PTPRT: variants seen among roughly 807,000 people sequenced by gnomAD.
PTPRT encodes protein tyrosine phosphatase receptor type T, also known as receptor-type tyrosine-protein phosphatase T.
PTPRT carries 56 observed loss-of-function variants against 176.8 expected under a neutral mutation model. The observed-to-expected ratio is 0.32, with a 90% CI of 0.26 to 0.40. PTPRT has a LOEUF of 0.40. Among genes scored for constraint, PTPRT ranks in the 10% least tolerant of loss-of-function variants. PTPRT has a pLI of 1.00. For synonymous variants in PTPRT, 783 were observed against 739.0 expected, an observed-to-expected ratio of 1.06 and a Z score of -0.96; for missense variants, 1,540 against 1,908.2, an observed-to-expected ratio of 0.81 and a Z score of 3.60.
chr20:42,966,211 A>G (rs1982284742), intron 1 of PTPRT: 1 of 152,240 alleles, frequency 6.6e-6, no homozygotes, highest in African/African-American at 2.4e-5. Flanking sequence ...GCACAATTTA[A>G]AATCCCACAC....
Position 42,102,278 on chromosome 20 carries a change from G to T in PTPRT, c.3560C>A (p.Pro1187His). 1 of 1,614,054 alleles carries T rather than the reference G, an allele frequency of 6.2e-7. No homozygotes were observed. The highest frequency in any genetic ancestry group is 8.5e-7 in the Non-Finnish European group (1 of 1,179,942). Reference sequence around the variant, plus strand: ...GCTGCAGTCCTCGGGCCGCACACGGGGTGTCACAATGTTGAGGGTCTGTGG... The same window carrying T: ...GCTGCAGTCCTCGGGCCGCACACGGTGTGTCACAATGTTGAGGGTCTGTGG... ...DEFQTLNIVT[P>H]RVRPEDCSIG... The change falls in exon 26 of 31, where the codon CCC becomes CAC. Residue 1187 changes from proline (P) to histidine (H), a missense_variant. Physicochemically the swap from Pro to His is moderately conservative, Grantham distance 77 (BLOSUM62 -2). Transcript: ENST00000373187.
At chr20:43,061,223 G>A (rs138915606) in intron 1 of PTPRT, among the ~76,000 whole-genome samples, 17 of 152,174 alleles carry the variant, frequency 1.1e-4, no homozygotes, top group South Asian at 4.1e-4. Context: ...ACTCCTTTCC[G>A]TCACTACTCT....
chr20:42,837,228 C>T (rs1180425656), intron 2 of PTPRT, among the ~76,000 whole-genome samples: 1 of 152,340 alleles, frequency 6.6e-6, no homozygotes, highest in Admixed American at 6.5e-5. Flanking sequence ...AGAGGCCCAT[C>T]CGGAGGACCC....
intron 1 of PTPRT, among the ~76,000 whole-genome samples, chr20:43,014,370 GT>G (rs1256248316): frequency 1.3e-5 from 2 of 152,172 alleles, no homozygotes; most frequent in Non-Finnish European, 2.9e-5. Context: ...AATAAACGGG[GT>G]ATTTTTTCAA....
chr20:42,885,862 G>C lies in PTPRT; in HGVS notation c.159C>G (p.Thr53=). The part of the protein sequence containing the change: ...YSVALGTNGF[T]WEQINTWEKP... ...TCTCCCATGTGTTAATCTGCTCCCA[G>C]GTGAACCCATTGGTCCCTAGAGCCA... is the stretch of plus-strand genomic sequence containing the variant. The change falls in exon 2 of 31, where the codon ACC becomes ACG. Residue 53 remains threonine (T), a synonymous_variant. Transcript: ENST00000373187. 6.2e-7 allele frequency: 1 copy of C among 1,611,072 alleles called. No homozygotes were observed. The highest frequency in any genetic ancestry group is 1.1e-5 in the South Asian group (1 of 91,022).
At chr20:42,345,326 C>G (rs894055235) in intron 11 of PTPRT, among the ~76,000 whole-genome samples, 4 of 150,870 alleles carry the variant, frequency 2.7e-5, no homozygotes, top group African/African-American at 4.9e-5. Context: ...TTCTATTGAA[C>G]AGCACTCTTT....
intron 1 of PTPRT, among the ~76,000 whole-genome samples, chr20:42,946,581 GC>G (rs1174883916): frequency 1.3e-5 from 2 of 152,140 alleles, no homozygotes; most frequent in Non-Finnish European, 2.9e-5. Flanking sequence ...TTAGACAGGG[GC>G]CCTGAGTTGT....
At chr20:42,682,524 C>T (rs1180743276) in intron 6 of PTPRT, among the ~76,000 whole-genome samples, 1 of 152,204 alleles carries the variant, frequency 6.6e-6, no homozygotes, top group African/African-American at 2.4e-5. Flanking sequence ...TCTTAACAGA[C>T]TCCACACCAT....
intron 7 of PTPRT, among the ~76,000 whole-genome samples, chr20:42,547,640 T>G (rs893288800): frequency 4.6e-5 from 7 of 152,014 alleles, no homozygotes; most frequent in African/African-American, 7.2e-5. Flanking sequence ...CTAAAACCTA[T>G]AGTAAATAGT....
intron 2 of PTPRT, among the ~76,000 whole-genome samples, chr20:42,874,701 T>C (rs565979218): frequency 6.6e-6 from 1 of 152,272 alleles, no homozygotes; most frequent in East Asian, 1.9e-4. Context: ...GGCCTCAGTT[T>C]CCTCCTCTTT....
chr20:42,239,033 A>G (rs1176854122), intron 14 of PTPRT, among the ~76,000 whole-genome samples: 1 of 152,228 alleles, frequency 6.6e-6, no homozygotes, highest in Non-Finnish European at 1.5e-5. Context: ...ATTAATCTAA[A>G]TTGATATTAG....
At chr20:42,646,122 C>T (rs2074892483) in intron 7 of PTPRT, among the ~76,000 whole-genome samples, 1 of 151,982 alleles carries the variant, frequency 6.6e-6, no homozygotes, top group Non-Finnish European at 1.5e-5. Context: ...CCAGGAATCA[C>T]AGCATCCCAC....
chr20:43,045,485 G>A (rs370271016), intron 1 of PTPRT, among the ~76,000 whole-genome samples: 73 of 124,948 alleles, frequency 5.8e-4, no homozygotes, highest in Non-Finnish European at 7.6e-4. Flanking sequence ...TCACAGTCTC[G>A]CTCTGTCACC....
chr20:42,732,686 C>A (rs2076479818), intron 6 of PTPRT, among the ~76,000 whole-genome samples: 1 of 152,180 alleles, frequency 6.6e-6, no homozygotes, highest in East Asian at 1.9e-4. Context: ...AAGTTTCTTG[C>A]TGCAAAGTTG....
At position 42,885,118 on chromosome 20, in the gene PTPRT, C is replaced by T. The variant is rs117337584; in HGVS notation, c.214+689G>A. 6.2e-3 allele frequency among the ~76,000 whole-genome samples: 914 copies of T among 147,366 alleles called. 2 individuals are homozygous for T. Among genetic ancestry groups the T allele is most frequent in the South Asian group, 0.034 (163 of 4,726 alleles). On this transcript the variant is annotated intron_variant, in intron 2 of 30. Transcript: ENST00000373187. Reference sequence around the variant, plus strand: ...GTATTTAGAATGTCAGGATGTTTACCTTATAATACAATATATAATAATAAT... The same window carrying T: ...GTATTTAGAATGTCAGGATGTTTACTTTATAATACAATATATAATAATAAT...
Position 42,248,832 on chromosome 20 carries a change from G to C in PTPRT, c.2177-10C>G. The C allele has an allele frequency of 6.2e-7, 1 of 1,613,382 alleles. No homozygotes were observed. Among genetic ancestry groups the C allele is most frequent in the Non-Finnish European group, 8.5e-7 (1 of 1,179,382 alleles). ...TTCTGGGTGGAGGCACCTAGGAAGG[G>C]AAAGGGAAGGATAGCAATGTTGAAA... On this transcript the variant is annotated splice_polypyrimidine_tract_variant and intron_variant, in intron 13 of 30. Coordinates refer to ENST00000373187, the MANE Select transcript of PTPRT (RefSeq NM_007050.6).
chr20:42,713,614 A>C (rs1044376875), intron 6 of PTPRT, among the ~76,000 whole-genome samples: 23 of 152,212 alleles, frequency 1.5e-4, no homozygotes, highest in African/African-American at 4.6e-4. Flanking sequence ...GGATAAGTGA[A>C]GGAAGACATG....
chr20:42,543,106 G>A (rs1407084546), intron 7 of PTPRT, among the ~76,000 whole-genome samples: 1 of 152,148 alleles, frequency 6.6e-6, no homozygotes, highest in Non-Finnish European at 1.5e-5. Flanking sequence ...AGTGGCTGTG[G>A]CAGTTTTTAA....
At chr20:42,954,769 T>C (rs1981514448) in intron 1 of PTPRT, among the ~76,000 whole-genome samples, 1 of 152,078 alleles carries the variant, frequency 6.6e-6, no homozygotes. Context: ...GAGCAATATA[T>C]CCAGGATTTA....
Sources: gnomAD v4.1 joint callset for allele counts (sites outside exome capture counted in the v4.1 genomes callset) on GRCh38, gnomAD v4.1.1 for gene constraint, MANE v1.5 for transcripts, NCBI Gene and HGNC (gene_info 2026-07-23, HGNC 2026-07-21) for gene names.